Variants in KCNJ16 observed in about 807,000 individuals in gnomAD.
KCNJ16 encodes the protein potassium inwardly rectifying channel subfamily J member 16, also known as inward rectifier potassium channel 16.
KCNJ16 carries 15 observed loss-of-function variants against 18.5 expected under a neutral mutation model. That is an observed-to-expected ratio of 0.81 (90% CI 0.54 to 1.25). The LOEUF is 1.25. KCNJ16 is among the 50% of genes most tolerant of loss of function. KCNJ16 has a pLI of 0.00. For missense variants in KCNJ16, 523 were observed against 525.7 expected (o/e 0.99, Z 0.05); for synonymous variants, 174 against 186.5 (o/e 0.93, Z 0.55).
At position 70,075,564 on chromosome 17, in the gene KCNJ16, A is replaced by G. The variant is rs77112737; in HGVS notation, c.-300+174A>G. On this transcript the variant is annotated intron_variant, in intron 1 of 3. Transcript: ENST00000392671. ...TATCCAAGTGCTTTAAGTAGGAATC[A>G]AACAGTGTGTCATATTCCTTAAGTT... 5.7e-3 allele frequency among the ~76,000 whole-genome samples: 874 copies of G among 152,334 alleles called. 5 individuals are homozygous for G. Among genetic ancestry groups the G allele is most frequent in the African/African-American group, 0.019 (793 of 41,566 alleles).
chr17:70,116,174 T>G (rs1437703666), intron 2 of KCNJ16, among the ~76,000 whole-genome samples: 2 of 152,162 alleles, frequency 1.3e-5, no homozygotes, highest in Admixed American at 1.3e-4. Flanking sequence ...TTAAATATAT[T>G]TAAACTTAAA....
chr17:70,116,822 C>T (rs139131235), intron 2 of KCNJ16, among the ~76,000 whole-genome samples: 22 of 152,162 alleles, frequency 1.4e-4, no homozygotes, highest in Admixed American at 3.3e-4. Context: ...AGCGAGGCTG[C>T]GGAGAAAAGG....
At chr17:70,083,734 G>GTA (rs775208840) in intron 1 of KCNJ16, among the ~76,000 whole-genome samples, 9 of 152,068 alleles carry the variant, frequency 5.9e-5, no homozygotes, top group Non-Finnish European at 1.3e-4. Context: ...ACACATGACT[G>GTA]TATATATATC....
chr17:70,113,374 C>A (rs1199927850), intron 2 of KCNJ16, among the ~76,000 whole-genome samples: 1 of 152,170 alleles, frequency 6.6e-6, no homozygotes, highest in Non-Finnish European at 1.5e-5. Context: ...GTTTACTTGG[C>A]AAGACTGAAC....
rs191542845 is a variant in KCNJ16, at chr17:70,096,333, T to C, written c.-299-4325T>C. On this transcript the variant is annotated intron_variant, in intron 1 of 3. Transcript: ENST00000392671. ...TGGATAGTTCAAATTGGCTCTATTT[T>C]CTTAGGTCCATTTTGCCCTTATTCA... Among the ~76,000 whole-genome samples the C allele has an allele frequency of 2.2e-3, 340 of 152,350 alleles. 2 individuals are homozygous for C. Among genetic ancestry groups the C allele is most frequent in the African/African-American group, 7.7e-3 (321 of 41,580 alleles).
Position 70,132,931 on chromosome 17 carries a change from T to C in KCNJ16, c.844T>C (p.Phe282Leu), listed in dbSNP as rs556305146. The change falls in exon 4 of 4, where the codon TTT (phenylalanine) becomes CTT (leucine). Residue 282 changes from phenylalanine to leucine, a missense_variant. Coordinates refer to ENST00000392671, the MANE Select transcript of KCNJ16 (RefSeq NM_170741.4). ...AGATAACTTTGAGATTTTGGTGACATTTATCTATACTGGTGATTCCACTGG... is the reference window on the plus strand; with the variant it reads ...AGATAACTTTGAGATTTTGGTGACACTTATCTATACTGGTGATTCCACTGG... Reference protein sequence around the residue: ...AKDNFEILVTFIYTGDSTGTS... With the variant: ...AKDNFEILVTLIYTGDSTGTS... 6.2e-6 allele frequency: 10 copies of C among 1,614,194 alleles called. No homozygotes were observed. In the South Asian group the frequency reaches 9.9e-5, roughly 16 times the overall value.
chr17:70,087,255 A>T (rs1450922391), intron 1 of KCNJ16, among the ~76,000 whole-genome samples: 1 of 152,168 alleles, frequency 6.6e-6, no homozygotes, highest in Non-Finnish European at 1.5e-5. Flanking sequence ...TTATGGCAAT[A>T]GGAATACTAA....
At position 70,132,515 on chromosome 17, in the gene KCNJ16, G is replaced by A. The variant is rs1451319498; in HGVS notation, c.428G>A (p.Cys143Tyr). 1.9e-6 allele frequency: 3 copies of A among 1,614,076 alleles called. No individual in the cohort carries two copies. Among genetic ancestry groups the A allele is most frequent in the Non-Finnish European group, 2.5e-6 (3 of 1,180,046 alleles). Residue 143 changes from cysteine (C) to tyrosine (Y), a missense_variant, in exon 4 of 4, where the codon TGT becomes TAT. By Grantham distance (194) the Cys-to-Tyr change is radical (BLOSUM62 -2). Transcript: ENST00000392671. ...GYGYRCVTEE[C>Y]SVAVLMVILQ... ...GGTTATCGCTGTGTTACTGAAGAAT[G>A]TTCTGTGGCCGTGCTCATGGTGATC...
chr17:70,091,255 T>C (rs983521491), intron 1 of KCNJ16, among the ~76,000 whole-genome samples: 2 of 152,166 alleles, frequency 1.3e-5, no homozygotes, highest in Non-Finnish European at 2.9e-5. Flanking sequence ...TCCCACTCAT[T>C]TGACTGTTAA....
At chr17:70,085,811 G>A (rs985290395) in intron 1 of KCNJ16, among the ~76,000 whole-genome samples, 1 of 151,650 alleles carries the variant, frequency 6.6e-6, no homozygotes, top group Non-Finnish European at 1.5e-5. Flanking sequence ...TATTCAATGG[G>A]CAGAACACTA....
chr17:70,119,933 G>C (rs1461385552), intron 2 of KCNJ16, among the ~76,000 whole-genome samples: 1 of 152,186 alleles, frequency 6.6e-6, no homozygotes, highest in Non-Finnish European at 1.5e-5. Flanking sequence ...ATGTGGCCAG[G>C]CTGCAAATTT....
At position 70,093,950 on chromosome 17, in the gene KCNJ16, G is replaced by GA. The variant is rs773895480; in HGVS notation, c.-299-6698dup. ...TAGAACATGTTTCACAAGGAGTAAGGAAAAAAAAAACAAATAAAAAGGGCA... is the reference window on the plus strand; with the variant it reads ...TAGAACATGTTTCACAAGGAGTAAGGAAAAAAAAAAACAAATAAAAAGGGCA... On this transcript the variant is annotated intron_variant, in intron 1 of 3. Coordinates refer to ENST00000392671, the MANE Select transcript of KCNJ16 (RefSeq NM_170741.4). Among the ~76,000 whole-genome samples the GA allele has an allele frequency of 7.4e-3, 1,075 of 144,378 alleles. 7 individuals carry two copies. Among genetic ancestry groups the GA allele is most frequent in the Non-Finnish European group, 0.011 (721 of 66,318 alleles). The allele number at this position is 144,378 out of a possible 152,430, so 94.7% of individuals were successfully genotyped here.
chr17:70,098,795 G>C (rs899721038), intron 1 of KCNJ16, among the ~76,000 whole-genome samples: 1 of 152,170 alleles, frequency 6.6e-6, no homozygotes, highest in Admixed American at 6.5e-5. Context: ...CTTTGAAGTA[G>C]AATTTTGAAC....
At chr17:70,077,062 T>A (rs1031108407) in intron 1 of KCNJ16, among the ~76,000 whole-genome samples, 3 of 152,142 alleles carry the variant, frequency 2.0e-5, no homozygotes, top group Non-Finnish European at 4.4e-5. Context: ...GTAGAATCCT[T>A]GGAGAAGAGC....
At chr17:70,119,989 T>C (rs560487405) in intron 2 of KCNJ16, among the ~76,000 whole-genome samples, 1 of 152,336 alleles carries the variant, frequency 6.6e-6, no homozygotes, top group Admixed American at 6.5e-5. Flanking sequence ...AAGTTCCAAA[T>C]TTAGGTCATT....
Position 70,132,182 on chromosome 17 carries a change from C to G in KCNJ16, c.95C>G (p.Ala32Gly). 6.2e-7 allele frequency: 1 copy of G among 1,614,168 alleles called. No homozygotes were observed. The highest frequency in any genetic ancestry group is 2.2e-5 in the East Asian group (1 of 44,886). The change falls in exon 4 of 4, where the codon GCA becomes GGA. Residue 32 changes from alanine (A) to glycine (G), a missense_variant. Ala to Gly is a moderately conservative substitution (Grantham distance 60). Transcript: ENST00000392671. ...PEHIIAEKRRARRRLLHKDGS... is the reference protein window; with the variant it reads ...PEHIIAEKRRGRRRLLHKDGS... Reference sequence around the variant, plus strand: ...CACATTATAGCTGAGAAGAGAAGAGCAAGAAGACGATTACTTCACAAAGAT... The same window carrying G: ...CACATTATAGCTGAGAAGAGAAGAGGAAGAAGACGATTACTTCACAAAGAT...
In KCNJ16 at chr17:70,132,843, T is replaced by G; in HGVS notation, c.756T>G (p.Thr252=). 1.2e-6 allele frequency: 2 copies of G among 1,614,100 alleles called. No individual in the cohort carries two copies. Among genetic ancestry groups the G allele is most frequent in the Middle Eastern group, 3.3e-4 (2 of 6,062 alleles). Residue 252 remains threonine, a synonymous_variant, in exon 4 of 4, where the codon ACT becomes ACG. Coordinates refer to ENST00000392671, the MANE Select transcript of KCNJ16 (RefSeq NM_170741.4). ...AAATCATCCTGGTCACCCCGGTAAC[T>G]ATTGTCCATGAAATTGACCATGAGA... ...NDQIILVTPV[T]IVHEIDHESP...
At position 70,132,297 on chromosome 17, in the gene KCNJ16, G is replaced by A. The variant is rs267605027; in HGVS notation, c.210G>A (p.Trp70Ter). The change falls in exon 4 of 4, where the codon TGG (tryptophan) becomes TGA (stop). Residue 70 changes from tryptophan to a stop codon, truncating the protein, a stop_gained. Coordinates refer to ENST00000392671, the MANE Select transcript of KCNJ16 (RefSeq NM_170741.4). LOFTEE classifies it high-confidence loss of function. Reference sequence around the variant, plus strand: ...TCACCACTCTTGTGGACACCAAGTGGCGCCATATGTTTGTGATATTTTCTT... The same window carrying A: ...TCACCACTCTTGTGGACACCAAGTGACGCCATATGTTTGTGATATTTTCTT... ...DIFTTLVDTK[W>*]RHMFVIFSLS... The A allele has an allele frequency of 6.2e-7, 1 of 1,614,080 alleles. No individual in the cohort carries two copies. Among genetic ancestry groups the A allele is most frequent in the African/African-American group, 1.3e-5 (1 of 74,922 alleles).
intron 1 of KCNJ16, among the ~76,000 whole-genome samples, chr17:70,081,276 T>G (rs1329233651): frequency 6.6e-6 from 1 of 152,190 alleles, no homozygotes; most frequent in African/African-American, 2.4e-5. Context: ...GAACAAATTA[T>G]CTAAGACATG....
Sources: gnomAD v4.1 joint callset for allele counts (sites outside exome capture counted in the v4.1 genomes callset) on GRCh38, gnomAD v4.1.1 for gene constraint, MANE v1.5 for transcripts, NCBI Gene and HGNC (gene_info 2026-07-23, HGNC 2026-07-21) for gene names.